The following MGAT4C variants were observed in gnomAD, a reference collection of about 807,000 sequenced individuals.
MGAT4C encodes alpha-1,3-mannosyl-glycoprotein 4-beta-N-acetylglucosaminyltransferase C.
MGAT4C carries 19 observed loss-of-function variants against 40.1 expected under a neutral mutation model. The ratio of observed to expected loss-of-function variants is 0.47; its 90% confidence interval spans 0.33 to 0.70. The LOEUF (loss-of-function observed/expected upper bound fraction) is 0.70. MGAT4C is among the 30% of genes least tolerant of loss of function. The pLI, the probability that MGAT4C is intolerant of heterozygous loss-of-function variation, is 0.02. For missense variants in MGAT4C, 491 were observed against 563.2 expected (o/e 0.87, Z 1.30); for synonymous variants, 181 against 187.1 (o/e 0.97, Z 0.27).
chr12:86,698,943 A>G (rs563911263), intron 2 of MGAT4C, among the ~76,000 whole-genome samples: 3 of 152,172 alleles, frequency 2.0e-5, no homozygotes, highest in Non-Finnish European at 4.4e-5. Context: ...AAAAAGAGGC[A>G]GTAAGCTCAT....
intron 4 of MGAT4C, among the ~76,000 whole-genome samples, chr12:86,276,567 C>T (rs1185888888): frequency 6.6e-6 from 1 of 152,066 alleles, no homozygotes; most frequent in African/African-American, 2.4e-5. Context: ...TACTCAATCC[C>T]CCACTTCAAC....
chr12:86,806,462 A>AT, intron 1 of MGAT4C, among the ~76,000 whole-genome samples: 1 of 135,432 alleles, frequency 7.4e-6, no homozygotes. Context: ...GAGAGAGAGT[A>AT]TATGTGTGTT....
rs75310701 is a variant in MGAT4C, at chr12:86,307,130, C to T, written c.-57+26935G>A. Among the ~76,000 whole-genome samples, 636 of 150,406 alleles carry T rather than the reference C, an allele frequency of 4.2e-3. 31 individuals are homozygous for T. The South Asian group carries it at 0.059, about 14-fold the overall frequency. On this transcript the variant is annotated intron_variant, in intron 4 of 7. Coordinates refer to the MGAT4C transcript ENST00000548651. ...ATGATAATTCTTTAAAATAGAGATACTCTTTGAATTCAAAACAGGTAACTG... is the reference window on the plus strand; with the variant it reads ...ATGATAATTCTTTAAAATAGAGATATTCTTTGAATTCAAAACAGGTAACTG...
chr12:86,505,872 A>G (rs893038811), intron 2 of MGAT4C, among the ~76,000 whole-genome samples: 1 of 152,194 alleles, frequency 6.6e-6, no homozygotes, highest in African/African-American at 2.4e-5. Context: ...AGGGAGAAAC[A>G]AATGGCCCAA....
At chr12:86,360,725 T>A (rs913404115) in intron 3 of MGAT4C, among the ~76,000 whole-genome samples, 1 of 152,106 alleles carries the variant, frequency 6.6e-6, no homozygotes, top group African/African-American at 2.4e-5. Context: ...ATGAGTAAAC[T>A]CTCATTCACA....
chr12:86,494,931 T>C (rs113918521), intron 2 of MGAT4C, among the ~76,000 whole-genome samples: 6 of 151,958 alleles, frequency 3.9e-5, no homozygotes, highest in African/African-American at 1.4e-4. Flanking sequence ...TAATCGACAA[T>C]GAGAAAGAAT....
intron 2 of MGAT4C, among the ~76,000 whole-genome samples, chr12:86,547,676 G>T (rs1261502505): frequency 1.3e-5 from 2 of 152,086 alleles, no homozygotes; most frequent in African/African-American, 2.4e-5. Context: ...ATTTAGAGTA[G>T]AGTTAAATGA....
Position 85,969,825 on chromosome 12 carries a change from C to T in MGAT4C, c.*9464G>A, listed in dbSNP as rs943950397. On this transcript the variant is annotated 3_prime_UTR_variant, in exon 5 of 5. Transcript: ENST00000611864. ...GTGACCTTGGACAAGTTAGTAAAAC[C>T]CTATTTTTCATATGCTCTTTAGCTT... The T allele has an allele frequency of 6.6e-6, 1 of 151,158 alleles. No individual in the cohort carries two copies. The highest frequency in any genetic ancestry group is 1.5e-5 in the Non-Finnish European group (1 of 67,406). 9.4% of individuals were successfully genotyped at this position (151,158 alleles called of 1,614,324 possible).
intron 3 of MGAT4C, among the ~76,000 whole-genome samples, chr12:86,412,176 G>A (rs954470084): frequency 5.9e-5 from 9 of 152,330 alleles, no homozygotes; most frequent in East Asian, 1.9e-4. Flanking sequence ...GAGGGAAAAC[G>A]TGGGGTTGGA....
At chr12:86,699,698 T>C (rs1292952435) in intron 2 of MGAT4C, among the ~76,000 whole-genome samples, 1 of 152,162 alleles carries the variant, frequency 6.6e-6, no homozygotes, top group African/African-American at 2.4e-5. Context: ...TCATATTTTA[T>C]ATTATATCAT....
chr12:86,772,495 G>A lies in MGAT4C; in HGVS notation c.-261-45254C>T, dbSNP rs552852209. On this transcript the variant is annotated intron_variant, in intron 1 of 7. Transcript: ENST00000548651. ...GCATTTCTGCCACTACAACAGGCCC[G>A]CGAGTAGGTTTGTCTCCTCCTTGGT... 5.9e-5 allele frequency among the ~76,000 whole-genome samples: 9 copies of A among 152,222 alleles called. No individual in the cohort carries two copies. The East Asian group carries it at 7.8e-4, about 13-fold the overall frequency.
In MGAT4C at chr12:86,327,038, ATATCTT is replaced by A. The variant is rs528224789; in HGVS notation, c.-57+7021_-57+7026del. ...AACTTTTCCCTACAATGACTAAACTATATCTTTATAATTAGTTATGTATGTACTCAA... is the reference window on the plus strand; with the variant it reads ...AACTTTTCCCTACAATGACTAAACTATATAATTAGTTATGTATGTACTCAA... On this transcript the variant is annotated intron_variant, in intron 4 of 7. Coordinates refer to the MGAT4C transcript ENST00000548651. Among the ~76,000 whole-genome samples the A allele has an allele frequency of 6.6e-5, 10 of 152,296 alleles. No individual in the cohort carries two copies. In the East Asian group the frequency reaches 9.6e-4, roughly 15 times the overall value.
intron 2 of MGAT4C, among the ~76,000 whole-genome samples, chr12:86,555,081 T>C (rs1018177554): frequency 3.9e-5 from 6 of 151,944 alleles, no homozygotes; most frequent in Admixed American, 6.6e-5. Context: ...TGCCTCCTTT[T>C]CCTTTTAAGG....
intron 4 of MGAT4C, among the ~76,000 whole-genome samples, chr12:86,312,969 C>T (rs1954117451): frequency 6.6e-6 from 1 of 152,014 alleles, no homozygotes; most frequent in African/African-American, 2.4e-5. Flanking sequence ...TCTTAGATAA[C>T]AAAAATTTCC....
chr12:86,805,357 G>C (rs555415165), intron 1 of MGAT4C, among the ~76,000 whole-genome samples: 1 of 151,752 alleles, frequency 6.6e-6, no homozygotes, highest in East Asian at 2.0e-4. Context: ...TTCAACCCCT[G>C]TTCCCTACCC....
At chr12:86,588,300 CAAAG>C (rs1287881886) in intron 2 of MGAT4C, among the ~76,000 whole-genome samples, 1 of 151,788 alleles carries the variant, frequency 6.6e-6, no homozygotes, top group Admixed American at 6.6e-5. Context: ...TCAAAAGAGA[CAAAG>C]AAGGCCATTA....
chr12:86,747,998 C>T (rs1951178950), intron 1 of MGAT4C, among the ~76,000 whole-genome samples: 1 of 151,534 alleles, frequency 6.6e-6, no homozygotes, highest in African/African-American at 2.4e-5. Context: ...ATTTGATTAG[C>T]ATCAATACTA....
intron 1 of MGAT4C, among the ~76,000 whole-genome samples, chr12:86,099,062 TTATA>T (rs565410016): frequency 1.3e-5 from 2 of 151,362 alleles, no homozygotes; most frequent in African/African-American, 4.8e-5. Flanking sequence ...CATTTATAAT[TTATA>T]TGAGTTTATA....
intron 2 of MGAT4C, among the ~76,000 whole-genome samples, chr12:86,049,340 G>A (rs1324527999): frequency 6.6e-6 from 1 of 151,820 alleles, no homozygotes; most frequent in Non-Finnish European, 1.5e-5. Flanking sequence ...ACAAGTGTGT[G>A]CACTCTCTGA....
Sources: allele counts gnomAD v4.1 joint callset (sites outside exome capture counted in the v4.1 genomes callset), GRCh38; gene constraint gnomAD v4.1.1; transcripts MANE v1.5; gene names NCBI Gene and HGNC (gene_info 2026-07-23, HGNC 2026-07-21).